Variants in QTMAN observed in about 807,000 individuals in gnomAD.
QTMAN encodes the protein queuosine-tRNA mannosyltransferase.
At chr2:144,326,002 G>C in the QTMAN span, among the ~76,000 whole-genome samples, 1 of 152,176 alleles carries the variant, frequency 6.6e-6, no homozygotes, top group Non-Finnish European at 1.5e-5. Flanking sequence ...ATTGTATAGA[G>C]AACAAAATCA....
the QTMAN span, among the ~76,000 whole-genome samples, chr2:144,248,536 C>T: frequency 0.027 from 4,074 of 152,264 alleles, 174 homozygotes; most frequent in African/African-American, 0.093. Flanking sequence ...ATGCAGTTTA[C>T]ACATGCCACT....
the QTMAN span, among the ~76,000 whole-genome samples, chr2:144,233,628 T>G: frequency 1.3e-5 from 2 of 152,272 alleles, no homozygotes; most frequent in South Asian, 4.1e-4. Context: ...TGTGCTAGAC[T>G]CGCTCAATTG....
At chr2:144,155,600 G>C in the QTMAN span, among the ~76,000 whole-genome samples, 1 of 152,088 alleles carries the variant, frequency 6.6e-6, no homozygotes, top group African/African-American at 2.4e-5. Context: ...TTGAAGACTG[G>C]AGACCCAAGG....
the QTMAN span, among the ~76,000 whole-genome samples, chr2:144,249,459 C>T: frequency 6.6e-6 from 1 of 152,202 alleles, no homozygotes; most frequent in African/African-American, 2.4e-5. Context: ...TATCCACCCT[C>T]ACTTTCCCAT....
the QTMAN span, among the ~76,000 whole-genome samples, chr2:144,200,165 A>G: frequency 1.3e-5 from 2 of 152,250 alleles, no homozygotes; most frequent in Admixed American, 1.3e-4. Context: ...CTGTTATAAA[A>G]TAATGGTGAC....
chr2:144,070,788 C>T, the QTMAN span, among the ~76,000 whole-genome samples: 2 of 152,074 alleles, frequency 1.3e-5, no homozygotes, highest in Admixed American at 6.6e-5. Flanking sequence ...TGTAATTTAA[C>T]CCATATATCA....
chr2:144,193,302 GA>G, the QTMAN span, among the ~76,000 whole-genome samples: 1 of 151,580 alleles, frequency 6.6e-6, no homozygotes, highest in Non-Finnish European at 1.5e-5. Flanking sequence ...AATGTTAACT[GA>G]AGAAAATGAA....
At chr2:144,029,812 A>T in the QTMAN span, among the ~76,000 whole-genome samples, 3 of 152,178 alleles carry the variant, frequency 2.0e-5, no homozygotes, top group African/African-American at 7.2e-5. Context: ...AAAGCTTTCA[A>T]ATAGGTAGGC....
the QTMAN span, among the ~76,000 whole-genome samples, chr2:144,154,824 CT>C: frequency 6.6e-6 from 1 of 152,208 alleles, no homozygotes; most frequent in Non-Finnish European, 1.5e-5. Flanking sequence ...GCAGCTATCA[CT>C]CTGGATTTTA....
At chr2:144,297,963 A>G in the QTMAN span, among the ~76,000 whole-genome samples, 1 of 152,096 alleles carries the variant, frequency 6.6e-6, no homozygotes, top group Non-Finnish European at 1.5e-5. Flanking sequence ...ACATTATTAT[A>G]CCAATGGTAA....
At chr2:144,281,958 A>T in the QTMAN span, among the ~76,000 whole-genome samples, 2 of 152,188 alleles carry the variant, frequency 1.3e-5, no homozygotes, top group African/African-American at 4.8e-5. Context: ...CAGCTGTAGA[A>T]AACTAACACA....
the QTMAN span, among the ~76,000 whole-genome samples, chr2:143,991,855 A>C: frequency 7.1e-6 from 1 of 140,684 alleles, no homozygotes; most frequent in African/African-American, 2.7e-5. Flanking sequence ...GGCCGCCCCT[A>C]CTGGGAAGTG....
chr2:144,195,124 C>T, the QTMAN span, among the ~76,000 whole-genome samples: 1 of 151,950 alleles, frequency 6.6e-6, no homozygotes, highest in South Asian at 2.1e-4. Flanking sequence ...CCTGAATTCT[C>T]CCAAGTTTTG....
chr2:144,198,490 A>G, the QTMAN span, among the ~76,000 whole-genome samples: 2 of 152,184 alleles, frequency 1.3e-5, no homozygotes, highest in African/African-American at 4.8e-5. Context: ...AGCTGGTGGA[A>G]TATAAGCTTA....
the QTMAN span, among the ~76,000 whole-genome samples, chr2:144,251,120 T>C: frequency 6.6e-6 from 1 of 152,292 alleles, no homozygotes; most frequent in Non-Finnish European, 1.5e-5. Flanking sequence ...ATTTTCTTTA[T>C]TTCCATTGTG....
the QTMAN span, among the ~76,000 whole-genome samples, chr2:143,995,319 CT>C: frequency 3.3e-5 from 5 of 151,942 alleles, no homozygotes; most frequent in African/African-American, 4.8e-5. Context: ...TATTTCTTTT[CT>C]TTTTTTCTAG....
chr2:144,242,960 TAAAAAAAAAAAA>T, the QTMAN span, among the ~76,000 whole-genome samples: 5 of 77,806 alleles, frequency 6.4e-5, no homozygotes, highest in African/African-American at 2.5e-4. Context: ...AGACTCTACT[TAAAAAAAAAAAA>T]AAAAAAAAAA....
At chr2:144,085,672 G>A in the QTMAN span, among the ~76,000 whole-genome samples, 1 of 152,118 alleles carries the variant, frequency 6.6e-6, no homozygotes, top group East Asian at 1.9e-4. Context: ...GAGATGAGGG[G>A]GATGTGAACC....
chr2:144,155,674 C>T, the QTMAN span, among the ~76,000 whole-genome samples: 1 of 152,094 alleles, frequency 6.6e-6, no homozygotes, highest in African/African-American at 2.4e-5. Flanking sequence ...AAATTATACA[C>T]ATTTAAGGAC....
Sources: gnomAD v4.1 joint callset for allele counts (sites outside exome capture counted in the v4.1 genomes callset) on GRCh38, gnomAD v4.1.1 for gene constraint, MANE v1.5 for transcripts, NCBI Gene and HGNC (gene_info 2026-07-23, HGNC 2026-07-21) for gene names.